Variants in TTLL1 observed in about 807,000 individuals in gnomAD.
TTLL1 encodes the protein polyglutamylase complex subunit TTLL1.
In TTLL1, 33 loss-of-function variants were observed where a neutral mutation model predicts 47.8. The observed-to-expected ratio is 0.69, with a 90% CI of 0.52 to 0.92. The LOEUF (loss-of-function observed/expected upper bound fraction) is 0.92, where lower values mean the gene tolerates loss of function less well. TTLL1 is among the 40% of genes least tolerant of loss of function. The pLI is 0.00. For missense variants in TTLL1, 488 were observed against 547.5 expected (o/e 0.89, Z 1.08); for synonymous variants, 225 against 214.1 (o/e 1.05, Z -0.45).
At chr22:43,047,919 A>G (rs1032056178) in intron 9 of TTLL1, among the ~76,000 whole-genome samples, 18 of 152,198 alleles carry the variant, frequency 1.2e-4, no homozygotes, top group African/African-American at 4.1e-4. Flanking sequence ...AGTGTATCGA[A>G]TATGTACTGT....
At chr22:43,073,156 C>A (rs1340188807) in intron 3 of TTLL1, among the ~76,000 whole-genome samples, 1 of 151,228 alleles carries the variant, frequency 6.6e-6, no homozygotes, top group South Asian at 2.1e-4. Flanking sequence ...GCTGGGATTA[C>A]AGGCGCCTGC....
chr22:43,087,837 CAAA>C (rs134988), intron 1 of TTLL1, among the ~76,000 whole-genome samples: 1 of 62,966 alleles, frequency 1.6e-5, no homozygotes, highest in Non-Finnish European at 3.2e-5. Context: ...GAGACGGTCT[CAAA>C]AAAAAAAAAA....
intron 1 of TTLL1, among the ~76,000 whole-genome samples, chr22:43,089,034 T>C (rs1292335562): frequency 6.6e-6 from 1 of 152,124 alleles, no homozygotes; most frequent in Non-Finnish European, 1.5e-5. Flanking sequence ...ATAAACATAA[T>C]GATGCAATTG....
intron 9 of TTLL1, among the ~76,000 whole-genome samples, chr22:43,049,965 A>G (rs377215686): frequency 6.6e-6 from 1 of 151,738 alleles, no homozygotes; most frequent in African/African-American, 2.4e-5. Flanking sequence ...GGTTGGCGGC[A>G]TGCACCCGTA....
intron 7 of TTLL1, among the ~76,000 whole-genome samples, chr22:43,062,772 A>G (rs568943378): frequency 5.5e-4 from 83 of 152,230 alleles, no homozygotes; most frequent in African/African-American, 2.0e-3. Flanking sequence ...GGTTGTGGTG[A>G]GCTGAGATCA....
At chr22:43,075,719 G>C (rs1928444747) in intron 2 of TTLL1, 129 bp from the exon 3 acceptor site, 1 of 787,472 alleles carries the variant, frequency 1.3e-6, no homozygotes, top group South Asian at 1.6e-5. Flanking sequence ...TCAACCAGGA[G>C]TGATTCCATC....
chr22:43,068,631 C>T (rs1303075552), intron 4 of TTLL1, 41 bp from the exon 5 acceptor site: 2 of 1,384,026 alleles, frequency 1.4e-6, no homozygotes, highest in Admixed American at 4.7e-5. Flanking sequence ...GCAGCCAGCC[C>T]AACAGTGGCC....
intron 9 of TTLL1, among the ~76,000 whole-genome samples, chr22:43,048,160 A>T (rs1926295402): frequency 6.6e-6 from 1 of 151,664 alleles, no homozygotes; most frequent in Non-Finnish European, 1.5e-5. Flanking sequence ...TACTAAAAAT[A>T]AAAAAAATTA....
At position 43,064,740 on chromosome 22, in the gene TTLL1, GTAAA is replaced by G. The variant is rs369349941; in HGVS notation, c.504-420_504-417del. Among the ~76,000 whole-genome samples the G allele has an allele frequency of 2.0e-3, 295 of 150,038 alleles. 2 individuals are homozygous for G. Among genetic ancestry groups the G allele is most frequent in the Admixed American group, 0.018 (273 of 15,090 alleles). On this transcript the variant is annotated intron_variant, in intron 5 of 10. Coordinates refer to ENST00000266254, the MANE Select transcript of TTLL1 (RefSeq NM_012263.5). ...GACTCCATCTCAAATAAATAAATAA[GTAAA>G]TAAATAAATAAAGACAGTAAAAAGA...
At chr22:43,086,917 T>C (rs1929262642) in intron 1 of TTLL1, among the ~76,000 whole-genome samples, 1 of 152,194 alleles carries the variant, frequency 6.6e-6, no homozygotes, top group Non-Finnish European at 1.5e-5. Context: ...TCATACTGCA[T>C]TCAGAATGAA....
At chr22:43,062,171 C>A (rs1927426159) in intron 7 of TTLL1, among the ~76,000 whole-genome samples, 1 of 151,702 alleles carries the variant, frequency 6.6e-6, no homozygotes, top group Non-Finnish European at 1.5e-5. Flanking sequence ...CCAGATAAAC[C>A]CATAGCAAGT....
rs1178908229 is a variant in TTLL1 at position 43,059,373 on chromosome 22, A to C, written c.891+11T>G. The C allele has an allele frequency of 6.2e-7, 1 of 1,605,834 alleles. No individual in the cohort carries two copies. Among genetic ancestry groups the C allele is most frequent in the Admixed American group, 1.7e-5 (1 of 59,152 alleles). On this transcript the variant is annotated intron_variant, in intron 8 of 10. Transcript: ENST00000266254. ...CCTGGGAGCCGGCTCCCCCGCCCGC[A>C]CCAAACTCACCGCCACAGCCTTCAG...
chr22:43,070,256 A>G (rs576453069), intron 3 of TTLL1: 1 of 1,286,954 alleles, frequency 7.8e-7, no homozygotes, highest in Admixed American at 2.3e-5. Flanking sequence ...TAAAAACAAA[A>G]TCACAGGGGT....
chr22:43,068,516 T>C lies in TTLL1; in HGVS notation c.397A>G (p.Ser133Gly). The change falls in exon 5 of 11, where the codon AGC becomes GGC. Residue 133 changes from serine (S) to glycine (G), a missense_variant. Transcript: ENST00000266254. ...FVEEFRKSPS[S>G]TWIMKPCGKA... is the part of the protein sequence containing the mutation. ...CCACAAGGCTTCATGATCCAGGTGCTGGACGGGCTCTTCCGGAACTCCTCT... is the reference window on the plus strand; with the variant it reads ...CCACAAGGCTTCATGATCCAGGTGCCGGACGGGCTCTTCCGGAACTCCTCT... 2 of 1,573,068 alleles carry C rather than the reference T, an allele frequency of 1.3e-6. No individual in the cohort carries two copies. Among genetic ancestry groups the C allele is most frequent in the Admixed American group, 1.7e-5 (1 of 58,854 alleles).
intron 8 of TTLL1, chr22:43,052,202 G>A (rs766905630): frequency 5.7e-5 from 22 of 383,170 alleles, no homozygotes; most frequent in Non-Finnish European, 1.1e-4. Flanking sequence ...CGGATGTCCA[G>A]CTCCAAGCCC....
intron 7 of TTLL1, among the ~76,000 whole-genome samples, chr22:43,061,571 A>C (rs1360970368): frequency 2.6e-5 from 4 of 152,234 alleles, no homozygotes; most frequent in Admixed American, 1.3e-4. Flanking sequence ...CTTCCATCCA[A>C]AGAAGATTCA....
At chr22:43,057,029 T>C (rs1355367517) in intron 8 of TTLL1, among the ~76,000 whole-genome samples, 1 of 152,140 alleles carries the variant, frequency 6.6e-6, no homozygotes. Context: ...CCCAGCACTT[T>C]GGGAGGCTGA....
chr22:43,061,141 G>T (rs557027197), intron 7 of TTLL1, among the ~76,000 whole-genome samples: 14 of 152,322 alleles, frequency 9.2e-5, no homozygotes, highest in African/African-American at 3.4e-4. Context: ...AGTGAGCCGA[G>T]ATCCTGCCAC....
chr22:43,084,503 G>GTT (rs200678535), intron 1 of TTLL1, among the ~76,000 whole-genome samples: 1 of 147,552 alleles, frequency 6.8e-6, no homozygotes, highest in African/African-American at 2.5e-5. Flanking sequence ...CTTTTTCTAG[G>GTT]TTTCTTTTCT....
Sources: allele counts gnomAD v4.1 joint callset (sites outside exome capture counted in the v4.1 genomes callset), GRCh38; gene constraint gnomAD v4.1.1; transcripts MANE v1.5; gene names NCBI Gene and HGNC (gene_info 2026-07-23, HGNC 2026-07-21).